The following NRXN1 variants were observed in gnomAD, a reference collection of about 807,000 sequenced individuals.
NRXN1 encodes neurexin-1.
Under a neutral mutation model 150.9 loss-of-function variants are expected in NRXN1, and 39 were observed. That is an observed-to-expected ratio of 0.26 (90% CI 0.20 to 0.34). The LOEUF (loss-of-function observed/expected upper bound fraction) is 0.34, where lower values mean the gene tolerates loss of function less well. Among genes scored for constraint, NRXN1 ranks in the 10% least tolerant of loss-of-function variants. The pLI, the probability that NRXN1 is intolerant of heterozygous loss-of-function variation, is 1.00. For synonymous variants in NRXN1, 924 were observed against 757.0 expected (o/e 1.22, Z -3.62); for missense variants, 1,815 against 1,949.9 (o/e 0.93, Z 1.30).
chr2:50,319,167 A>G (rs6746003), intron 17 of NRXN1, among the ~76,000 whole-genome samples: 37,261 of 152,020 alleles, frequency 0.25, 5,518 homozygotes, highest in East Asian at 0.53. Context: ...TGGAATAATA[A>G]TGACTCTAGT....
intron 9 of NRXN1, among the ~76,000 whole-genome samples, chr2:50,550,827 A>C (rs6545180): frequency 6.6e-6 from 1 of 151,094 alleles, no homozygotes; most frequent in African/African-American, 2.4e-5. Context: ...GACTACAGGC[A>C]CCGCCACCAC....
At chr2:50,343,664 A>G (rs1166354886) in intron 17 of NRXN1, among the ~76,000 whole-genome samples, 1 of 152,232 alleles carries the variant, frequency 6.6e-6, no homozygotes, top group Non-Finnish European at 1.5e-5. Context: ...TGCGCCCTGC[A>G]AACCTTGTAA....
Position 51,028,459 on chromosome 2 carries a change from T to C in NRXN1, c.-186A>G. The C allele has an allele frequency of 2.2e-6, 1 of 453,752 alleles. No homozygotes were observed. The highest frequency in any genetic ancestry group is 3.8e-6 in the Non-Finnish European group (1 of 259,896). 28.1% of individuals were successfully genotyped at this position (453,752 alleles called of 1,614,324 possible). A position where few individuals can be genotyped will look rare whatever the true frequency, so the allele number is the denominator to read the frequency against. On this transcript the variant is annotated 5_prime_UTR_variant, in exon 2 of 23. Transcript: ENST00000401669. ...TTCTTCTTCCAATAACCCCGCCCTC[T>C]CTCCCTGTAGTCCTCTTCCAACTGG...
intron 18 of NRXN1, among the ~76,000 whole-genome samples, chr2:50,093,470 A>AG (rs1416307952): frequency 9.4e-6 from 1 of 105,876 alleles, no homozygotes; most frequent in African/African-American, 3.5e-5. Context: ...AAAAAAAGAA[A>AG]AAGAAAAAAA....
chr2:50,066,485 T>C (rs1050230000), intron 19 of NRXN1, among the ~76,000 whole-genome samples: 7 of 152,118 alleles, frequency 4.6e-5, no homozygotes, highest in Non-Finnish European at 1.5e-5. Flanking sequence ...TAGATCACAA[T>C]CAAAATGTCA....
chr2:51,012,116 G>T (rs1667970946), intron 2 of NRXN1, among the ~76,000 whole-genome samples: 1 of 151,960 alleles, frequency 6.6e-6, no homozygotes, highest in South Asian at 2.1e-4. Flanking sequence ...TAGACCTGTA[G>T]TTGACCAAAA....
intron 5 of NRXN1, among the ~76,000 whole-genome samples, chr2:50,746,551 C>T (rs962145685): frequency 6.5e-5 from 9 of 139,126 alleles, no homozygotes; most frequent in African/African-American, 2.2e-4. Flanking sequence ...GAGCAAGACC[C>T]TGTCTCAAAA....
chr2:50,817,326 A>G (rs1361740555), intron 5 of NRXN1, among the ~76,000 whole-genome samples: 2 of 152,120 alleles, frequency 1.3e-5, no homozygotes, highest in African/African-American at 4.8e-5. Flanking sequence ...AAATCTGAAC[A>G]GTTCATTAAC....
intron 17 of NRXN1, among the ~76,000 whole-genome samples, chr2:50,341,718 A>G (rs527399604): frequency 6.8e-4 from 103 of 152,338 alleles, no homozygotes; most frequent in African/African-American, 2.4e-3. Context: ...AGAAATTGTT[A>G]TGTTTTGTTA....
chr2:50,464,292 CCACA>C (rs1558776517), intron 17 of NRXN1: 4 of 151,348 alleles, frequency 2.6e-5, no homozygotes, highest in African/African-American at 9.8e-5. Context: ...AAGGCCTCTT[CCACA>C]TATGTTTTAA....
At chr2:50,808,949 C>G (rs1417528523) in intron 5 of NRXN1, among the ~76,000 whole-genome samples, 2 of 152,078 alleles carry the variant, frequency 1.3e-5, no homozygotes, top group South Asian at 4.1e-4. Context: ...TCCTTATGAA[C>G]ATATTGACAA....
chr2:50,412,331 A>T (rs569674896), intron 17 of NRXN1, among the ~76,000 whole-genome samples: 3,495 of 106,354 alleles, frequency 0.033, 135 homozygotes, highest in African/African-American at 0.16. Flanking sequence ...AATAAATAAA[A>T]AATAAAAAAA....
intron 5 of NRXN1, among the ~76,000 whole-genome samples, chr2:50,779,185 C>A (rs1704029326): frequency 6.6e-6 from 1 of 152,144 alleles, no homozygotes; most frequent in Admixed American, 6.5e-5. Flanking sequence ...GCACCCCTCA[C>A]CCTGACAGGT....
intron 5 of NRXN1, among the ~76,000 whole-genome samples, chr2:50,759,709 A>G (rs1218391203): frequency 1.3e-5 from 2 of 151,826 alleles, no homozygotes; most frequent in Admixed American, 6.6e-5. Context: ...GAGGGTAAAT[A>G]TGCTTATGCT....
intron 21 of NRXN1, among the ~76,000 whole-genome samples, chr2:49,991,150 C>G (rs933347877): frequency 6.6e-6 from 1 of 152,136 alleles, no homozygotes. Context: ...AAACTTGACA[C>G]TTCTCCACTA....
At chr2:50,239,407 G>C (rs921083059) in intron 17 of NRXN1, among the ~76,000 whole-genome samples, 1 of 150,804 alleles carries the variant, frequency 6.6e-6, no homozygotes. Context: ...ACATATCTAA[G>C]AATTCAGATG....
At chr2:50,791,091 T>G (rs1396120542) in intron 5 of NRXN1, among the ~76,000 whole-genome samples, 1 of 151,730 alleles carries the variant, frequency 6.6e-6, no homozygotes, top group African/African-American at 2.4e-5. Flanking sequence ...TATGTTGTTT[T>G]TTTTTTTCAG....
chr2:50,965,252 T>A (rs189249149), intron 2 of NRXN1, among the ~76,000 whole-genome samples: 1 of 151,452 alleles, frequency 6.6e-6, no homozygotes, highest in East Asian at 1.9e-4. Context: ...CTCAAGGAGA[T>A]TTCAAGCTCT....
chr2:49,932,461 G>A (rs777710621), intron 22 of NRXN1, among the ~76,000 whole-genome samples: 1 of 151,816 alleles, frequency 6.6e-6, no homozygotes, highest in Non-Finnish European at 1.5e-5. Context: ...TTTCCTTTTC[G>A]CTTTCCTTTT....
Sources: gnomAD v4.1 joint callset for allele counts (sites outside exome capture counted in the v4.1 genomes callset) on GRCh38, gnomAD v4.1.1 for gene constraint, MANE v1.5 for transcripts, NCBI Gene and HGNC (gene_info 2026-07-23, HGNC 2026-07-21) for gene names.